Variants in SCN4A observed in about 807,000 individuals in gnomAD.
SCN4A encodes the protein sodium voltage-gated channel alpha subunit 4.
In SCN4A, 83 loss-of-function variants were observed where a neutral mutation model predicts 162.0. The ratio of observed to expected loss-of-function variants is 0.51; its 90% CI spans 0.43 to 0.61. The LOEUF is 0.61. SCN4A is among the 20% of genes least tolerant of loss of function. The pLI is 0.00. For missense variants in SCN4A, 2,196 were observed against 2,462.5 expected, an observed-to-expected ratio of 0.89 and a Z score of 2.29; for synonymous variants, 944 against 985.1, an observed-to-expected ratio of 0.96 and a Z score of 0.78.
In SCN4A at chr17:63,945,566, G is replaced by T. The variant is rs1250587890; in HGVS notation, c.3514C>A (p.Leu1172Met). 1.2e-6 allele frequency: 2 copies of T among 1,614,054 alleles called. No individual in the cohort carries two copies. Among genetic ancestry groups the T allele is most frequent in the East Asian group, 2.2e-5 (1 of 44,884 alleles). Residue 1172 changes from leucine (L) to methionine (M), a missense_variant, in exon 19 of 24, where the codon CTG becomes ATG. By Grantham distance (15) the Leu-to-Met change is conservative. Transcript: ENST00000435607. This position sits in a 1 kb window ranked among gnomAD's most constrained non-coding sequence, Gnocchi z 4.4. The part of the protein sequence containing the change: ...NVLLVCLIFW[L>M]IFSIMGVNLF... Reference sequence around the variant, plus strand: ...TTGACACCCATGATGCTGAAGATCAGCCAGAAGATGAGGCAGACAAGCAGC... The same window carrying T: ...TTGACACCCATGATGCTGAAGATCATCCAGAAGATGAGGCAGACAAGCAGC...
intron 15 of SCN4A, 93 bp downstream of exon 15, chr17:63,949,300 A>G: frequency 2.2e-6 from 3 of 1,359,960 alleles, no homozygotes; most frequent in Non-Finnish European, 9.8e-7. Flanking sequence ...AGGCAGCCCC[A>G]GGTCCGTGTG....
At chr17:63,954,958 T>A (rs904855010) in intron 13 of SCN4A, among the ~76,000 whole-genome samples, 5 of 152,092 alleles carry the variant, frequency 3.3e-5, no homozygotes, top group African/African-American at 1.2e-4. Context: ...TGTTTCCTCA[T>A]CTATAAAACA....
chr17:63,972,721 G>T lies in SCN4A; in HGVS notation c.121C>A (p.Arg41=), dbSNP rs558855276. 1 of 1,613,544 alleles carries T rather than the reference G, an allele frequency of 6.2e-7. No individual in the cohort carries two copies. The highest frequency in any genetic ancestry group is 1.1e-5 in the South Asian group (1 of 91,010). ...RAVEEEARLQ[R]NKQMEIEEPE... is the part of the protein sequence containing the mutation. The stretch of plus-strand genomic sequence containing the variant: ...TCCTCAATCTCCATCTGCTTATTCC[G>T]CTGCAGCCGGGCCTCCTCCTCCACC... Residue 41 remains arginine, a synonymous_variant, in exon 1 of 24, where the codon CGG becomes AGG. Transcript: ENST00000435607. The surrounding 1 kb of genome is among the most constrained non-coding windows in gnomAD (Gnocchi z 4.3).
intron 8 of SCN4A, 42 bp downstream of exon 8, chr17:63,966,060 G>C (rs946251844): frequency 4.1e-6 from 6 of 1,460,834 alleles, no homozygotes; most frequent in Non-Finnish European, 5.6e-6. Flanking sequence ...GATGGAGGGG[G>C]AGTGGCTGTA....
chr17:63,955,546 G>C (rs1234872072), intron 13 of SCN4A, among the ~76,000 whole-genome samples: 1 of 152,178 alleles, frequency 6.6e-6, no homozygotes, highest in African/African-American at 2.4e-5. Flanking sequence ...CGGGCTCGAG[G>C]TTTCCCAGTC....
intron 17 of SCN4A, among the ~76,000 whole-genome samples, chr17:63,947,383 G>A (rs977949906): frequency 2.0e-5 from 3 of 152,050 alleles, no homozygotes; most frequent in East Asian, 1.9e-4. Flanking sequence ...CAACCAACTG[G>A]GGATGACTGT....
At chr17:63,965,959 A>G in intron 8 of SCN4A, 143 bp downstream of exon 8, 1 of 639,096 alleles carries the variant, frequency 1.6e-6, no homozygotes, top group Non-Finnish European at 2.8e-6. Flanking sequence ...AAGCTCCTAT[A>G]AGGGCACTGC....
rs1250876829 is a variant in SCN4A, at chr17:63,944,638, A to T, written c.3912+35T>A. On this transcript the variant is annotated intron_variant, in intron 21 of 23. Transcript: ENST00000435607. The surrounding 1 kb of genome is among the most constrained non-coding windows in gnomAD (Gnocchi z 4.3). ...AAAGGAGGCAGGAGGGAGGCCCAGC[A>T]CCGGGAGGGCCCGAGGGGCTGGGCT... 11 of 1,573,894 alleles carry T rather than the reference A, an allele frequency of 7.0e-6. No individual in the cohort carries two copies. In the Admixed American group the frequency reaches 1.7e-4, roughly 24 times the overall value.
chr17:63,942,845 G>T lies in SCN4A; in HGVS notation c.4269C>A (p.Val1423=). Residue 1423 remains valine (V), a synonymous_variant, in exon 23 of 24, where the codon GTC becomes GTA. Transcript: ENST00000435607. ...TVGWNIFDFV[V]VILSIVGLAL... Reference sequence around the variant, plus strand: ...GCTCACCCACAATGGACAGGATGACGACCACGAAGTCAAAGATGTTCCAGC... The same window carrying T: ...GCTCACCCACAATGGACAGGATGACTACCACGAAGTCAAAGATGTTCCAGC... The T allele has an allele frequency of 6.2e-7, 1 of 1,613,882 alleles. No individual in the cohort carries two copies. The highest frequency in any genetic ancestry group is 1.1e-5 in the South Asian group (1 of 91,052).
intron 10 of SCN4A, among the ~76,000 whole-genome samples, chr17:63,963,259 ACC>A (rs771908893): frequency 7.2e-5 from 11 of 152,120 alleles, no homozygotes; most frequent in South Asian, 2.1e-4. Context: ...TTTAACTTTT[ACC>A]CAGAGAACAC....
At chr17:63,962,229 T>G (rs1310881646) in intron 10 of SCN4A, among the ~76,000 whole-genome samples, 1 of 152,158 alleles carries the variant, frequency 6.6e-6, no homozygotes. Context: ...TGCAGGGGCT[T>G]GGGTTCCAGC....
intron 6 of SCN4A, among the ~76,000 whole-genome samples, chr17:63,967,641 G>A (rs761867426): frequency 1.1e-4 from 16 of 152,052 alleles, no homozygotes; most frequent in Non-Finnish European, 2.1e-4. Context: ...CTCATAAGAA[G>A]TGGAGACAGG....
Position 63,943,060 on chromosome 17 carries a change from T to C in SCN4A, c.4054A>G (p.Lys1352Glu). The change falls in exon 23 of 24, where the codon AAG becomes GAG. Residue 1352 changes from lysine (K) to glutamate (E), a missense_variant. Coordinates refer to ENST00000435607, the MANE Select transcript of SCN4A (RefSeq NM_000334.4). ...ATGATGGTGATGTCGAAGGCCTGCT[T>C]CGTCACGAGGTCATACACCATGCCC... ...IQGMVYDLVT[K>E]QAFDITIMIL... is the part of the protein sequence containing the mutation. The C allele has an allele frequency of 6.2e-7, 1 of 1,613,804 alleles. No individual in the cohort carries two copies. The highest frequency in any genetic ancestry group is 8.5e-7 in the Non-Finnish European group (1 of 1,179,750).
In SCN4A at chr17:63,970,913, C is replaced by T. The variant is rs1429808016; in HGVS notation, c.703+249G>A. Among the ~76,000 whole-genome samples the T allele has an allele frequency of 2.6e-5, 4 of 152,194 alleles. No individual in the cohort carries two copies. The East Asian group carries it at 5.8e-4, about 22-fold the overall frequency. ...CCTCCCAAAGTGCTGGGATTATAGGCGTGAGCCACCATGCCCAGCTGAGTC... is the reference window on the plus strand; with the variant it reads ...CCTCCCAAAGTGCTGGGATTATAGGTGTGAGCCACCATGCCCAGCTGAGTC... On this transcript the variant is annotated intron_variant, in intron 5 of 23. Transcript: ENST00000435607.
Position 63,940,512 on chromosome 17 carries a change from C to G in SCN4A, c.*259G>C. ...CGACAGGGCCCAGAGGAGGTCAGAG[C>G]AACTTGCAGGTTAAATCTTGGAGGC... is the stretch of plus-strand genomic sequence containing the variant. On this transcript the variant is annotated 3_prime_UTR_variant, in exon 24 of 24. Transcript: ENST00000435607. 1 of 463,852 alleles carries G rather than the reference C, an allele frequency of 2.2e-6. No homozygotes were observed. Among genetic ancestry groups the G allele is most frequent in the Non-Finnish European group, 3.8e-6 (1 of 264,332 alleles). 28.7% of individuals were successfully genotyped at this position (463,852 alleles called of 1,614,324 possible).
chr17:63,951,657 C>T lies in SCN4A; in HGVS notation c.2620G>A (p.Ala874Thr). The part of the protein sequence containing the change: ...AGEAGEAGET[A>T]PEDEKKEPPE... ...GGCTCCTTCTTCTCATCCTCGGGGG[C>T]AGTCTCCCCCGCCTCTCCAGCCTCC... is the stretch of plus-strand genomic sequence containing the variant. The change falls in exon 14 of 24, where the codon GCC becomes ACC. Residue 874 changes from alanine (A) to threonine (T), a missense_variant. By Grantham distance (58) the Ala-to-Thr change is moderately conservative. Coordinates refer to ENST00000435607, the MANE Select transcript of SCN4A (RefSeq NM_000334.4). The surrounding 1 kb of genome is among the most constrained non-coding windows in gnomAD (Gnocchi z 4.5). The T allele has an allele frequency of 6.3e-7, 1 of 1,591,934 alleles. No individual in the cohort carries two copies. Among genetic ancestry groups the T allele is most frequent in the Non-Finnish European group, 8.6e-7 (1 of 1,168,802 alleles).
Position 63,972,689 on chromosome 17 carries a change from T to C in SCN4A, c.153A>G (p.Glu51=). 7 of 1,613,770 alleles carry C rather than the reference T, an allele frequency of 4.3e-6. No homozygotes were observed. The highest frequency in any genetic ancestry group is 5.9e-6 in the Non-Finnish European group (7 of 1,179,788). ...CCTCCAAGTCACTTCGTGGCTTCCG[T>C]TCGGGCTCCTCAATCTCCATCTGCT... ...RNKQMEIEEP[E]RKPRSDLEAG... The change falls in exon 1 of 24, where the codon GAA becomes GAG. Residue 51 remains glutamate (E), a synonymous_variant. Coordinates refer to ENST00000435607, the MANE Select transcript of SCN4A (RefSeq NM_000334.4). The surrounding 1 kb of genome is among the most constrained non-coding windows in gnomAD (Gnocchi z 4.3).
At position 63,941,346 on chromosome 17, in the gene SCN4A, T is replaced by C; in HGVS notation, c.4936A>G (p.Thr1646Ala). Residue 1646 changes from threonine (T) to alanine (A), a missense_variant, in exon 24 of 24, where the codon ACC (threonine) becomes GCC (alanine). Coordinates refer to ENST00000435607, the MANE Select transcript of SCN4A (RefSeq NM_000334.4). This position sits in a 1 kb window ranked among gnomAD's most constrained non-coding sequence, Gnocchi z 6.2. ...GCAATCCTCAGCGGTTCCTGCAGGG[T>C]GTCCACGAAGTCTGAGAGGCGGCTG... Reference protein sequence around the residue: ...AYSRLSDFVDTLQEPLRIAKP... With the variant: ...AYSRLSDFVDALQEPLRIAKP... 2 of 1,613,774 alleles carry C rather than the reference T, an allele frequency of 1.2e-6. No individual in the cohort carries two copies. Among genetic ancestry groups the C allele is most frequent in the Non-Finnish European group, 1.7e-6 (2 of 1,179,850 alleles).
At position 63,938,624 on chromosome 17, in the gene SCN4A, C is replaced by G. The variant is rs1161272845; in HGVS notation, c.*2147G>C. 1 of 152,774 alleles carries G rather than the reference C, an allele frequency of 6.5e-6. No homozygotes were observed. Among genetic ancestry groups the G allele is most frequent in the African/African-American group, 2.4e-5 (1 of 41,468 alleles). The allele number at this position is 152,774 out of a possible 1,614,324, so 9.5% of individuals were successfully genotyped here. ...CCCGCCTGCTGGCCTGGCGTGGGAC[C>G]TGTTCCCCACTGGACCAGGCAGGAA... On this transcript the variant is annotated 3_prime_UTR_variant, in exon 24 of 24. Transcript: ENST00000435607.
Sources: gnomAD v4.1 joint callset for allele counts (sites outside exome capture counted in the v4.1 genomes callset) on GRCh38, gnomAD v4.1.1 for gene constraint, Gnocchi (gnomAD v3.1) non-coding constraint, MANE v1.5 for transcripts, NCBI Gene and HGNC (gene_info 2026-07-23, HGNC 2026-07-21) for gene names.